PCDH15: variants seen among roughly 807,000 people sequenced by gnomAD.
PCDH15 encodes the protein protocadherin related 15, also known as protocadherin-15.
A neutral mutation model predicts 178.5 loss-of-function variants in PCDH15; 129 were observed. The ratio of observed to expected loss-of-function variants is 0.72; its 90% confidence interval spans 0.63 to 0.84. The LOEUF is 0.84. Ranked by LOEUF, PCDH15 falls within the 40% of genes least tolerant of loss-of-function variation. The pLI, the probability that PCDH15 is intolerant of heterozygous loss-of-function variation, is 0.00. For missense variants in PCDH15, 2,230 were observed against 2,099.9 expected, an observed-to-expected ratio of 1.06 and a Z score of -1.21; for synonymous variants, 800 against 732.0, an observed-to-expected ratio of 1.09 and a Z score of -1.50.
chr10:54,151,292 G>A (rs9663418), intron 14 of PCDH15, among the ~76,000 whole-genome samples: 28,958 of 152,028 alleles, frequency 0.19, 2,963 homozygotes, highest in Admixed American at 0.22. Context: ...AGTAATCCCA[G>A]CACTTTGGGA....
intron 2 of PCDH15, among the ~76,000 whole-genome samples, chr10:55,607,546 C>A (rs1843251285): frequency 7.0e-6 from 1 of 143,178 alleles, no homozygotes; most frequent in African/African-American, 2.6e-5. Flanking sequence ...GGCACATATA[C>A]ACCATGGAAT....
intron 8 of PCDH15, among the ~76,000 whole-genome samples, chr10:54,284,981 A>G (rs948369575): frequency 6.6e-6 from 1 of 152,182 alleles, no homozygotes; most frequent in African/African-American, 2.4e-5. Context: ...ATACAAGTAA[A>G]ATATGGCTTT....
intron 7 of PCDH15, among the ~76,000 whole-genome samples, chr10:54,328,677 T>G (rs986515452): frequency 2.0e-5 from 3 of 151,982 alleles, no homozygotes; most frequent in Non-Finnish European, 4.4e-5. Context: ...ATCCTAGTTT[T>G]GCTACCCTTT....
At chr10:54,225,902 G>A (rs2053387329) in intron 9 of PCDH15, among the ~76,000 whole-genome samples, 1 of 152,178 alleles carries the variant, frequency 6.6e-6, no homozygotes, top group Non-Finnish European at 1.5e-5. Context: ...GACAAGCAAG[G>A]AATCTTGAGG....
intron 15 of PCDH15, among the ~76,000 whole-genome samples, chr10:54,096,132 T>C (rs773271082): frequency 6.6e-6 from 1 of 152,070 alleles, no homozygotes; most frequent in Non-Finnish European, 1.5e-5. Context: ...TCATAATTCA[T>C]ATTCTATGCC....
intron 3 of PCDH15, among the ~76,000 whole-genome samples, chr10:54,384,306 C>A (rs2135170802): frequency 8.0e-6 from 1 of 125,458 alleles, no homozygotes; most frequent in East Asian, 2.5e-4. Context: ...TAAATCTCTA[C>A]CAAGCTGAAG....
Position 53,938,857 on chromosome 10 carries a change from A to G in PCDH15, c.3331T>C (p.Ser1111Pro). The change falls in exon 25 of 38, where the codon TCC becomes CCC. Residue 1111 changes from serine (S) to proline (P), a missense_variant. Physicochemically the swap from Ser to Pro is moderately conservative, Grantham distance 74 (BLOSUM62 -1). Coordinates refer to ENST00000644397, the MANE Select transcript of PCDH15 (RefSeq NM_001384140.1). Reference sequence around the variant, plus strand: ...AGATTGGCAAGGACCACTTCCAGGGAATCAGCTTGGACTCGAAGTACATAG... The same window carrying G: ...AGATTGGCAAGGACCACTTCCAGGGGATCAGCTTGGACTCGAAGTACATAG... ...TSYVLRVQAD[S>P]LEVVLANLRV... 6.2e-7 allele frequency: 1 copy of G among 1,613,678 alleles called. No homozygotes were observed. The highest frequency in any genetic ancestry group is 8.5e-7 in the Non-Finnish European group (1 of 1,179,676).
At chr10:54,506,628 G>GAA (rs1466042190) in intron 3 of PCDH15, among the ~76,000 whole-genome samples, 1 of 151,928 alleles carries the variant, frequency 6.6e-6, no homozygotes, top group Admixed American at 6.6e-5. Flanking sequence ...AAAGCAGAAG[G>GAA]ACTCCTAAGA....
chr10:55,133,641 C>T (rs981951262), intron 2 of PCDH15, among the ~76,000 whole-genome samples: 26 of 152,104 alleles, frequency 1.7e-4, no homozygotes, highest in African/African-American at 5.8e-4. Flanking sequence ...TAGTAGATAG[C>T]TAACAATCAA....
chr10:53,998,449 A>G (rs2091960567), intron 20 of PCDH15, among the ~76,000 whole-genome samples: 1 of 152,166 alleles, frequency 6.6e-6, no homozygotes, highest in Non-Finnish European at 1.5e-5. Flanking sequence ...GGAGAAAACT[A>G]TGTTTTATTT....
intron 1 of PCDH15, among the ~76,000 whole-genome samples, chr10:55,269,821 AAAGCAATCCT>A (rs1242592487): frequency 6.6e-6 from 1 of 152,184 alleles, no homozygotes. Flanking sequence ...CCAAATAGAC[AAAGCAATCCT>A]AAGCAAAATG....
chr10:55,500,384 T>C (rs1159784890), intron 2 of PCDH15, among the ~76,000 whole-genome samples: 3 of 151,938 alleles, frequency 2.0e-5, no homozygotes, highest in East Asian at 1.9e-4. Context: ...CATATTTAAC[T>C]TTTACATGAG....
intron 2 of PCDH15, among the ~76,000 whole-genome samples, chr10:55,135,571 TTTC>T (rs1351588890): frequency 3.7e-5 from 5 of 136,542 alleles, no homozygotes; most frequent in African/African-American, 1.4e-4. Flanking sequence ...TTTTCTTTTC[TTTC>T]TTTTTTTTTT....
chr10:54,481,000 T>G (rs2078676711), intron 3 of PCDH15, among the ~76,000 whole-genome samples: 1 of 151,890 alleles, frequency 6.6e-6, no homozygotes, highest in African/African-American at 2.4e-5. Flanking sequence ...CTAACATTCC[T>G]TGCAAAGAGA....
At position 55,602,611 on chromosome 10, in the gene PCDH15, C is replaced by G. The variant is rs1028758099; in HGVS notation, c.-156+25014G>C. ...CCCCGAGCAGCCTAACTGGGAGGCA[C>G]CCCCCAGCAGGGGCACACTGACACC... is the stretch of plus-strand genomic sequence containing the variant. On this transcript the variant is annotated intron_variant, in intron 2 of 5. Coordinates refer to the PCDH15 transcript ENST00000613346. Among the ~76,000 whole-genome samples, 3 of 152,176 alleles carry G rather than the reference C, an allele frequency of 2.0e-5. No individual in the cohort carries two copies. In the South Asian group the frequency reaches 6.2e-4, roughly 32 times the overall value.
At chr10:53,810,739 CTTCT>C in intron 36 of PCDH15, 75 bp from the exon 37 acceptor site, 1 of 1,300,882 alleles carries the variant, frequency 7.7e-7, no homozygotes, top group Non-Finnish European at 1.1e-6. Flanking sequence ...GATCTGTTTC[CTTCT>C]TTTTCTTCCG....
chr10:55,228,450 T>TA (rs1841116717), intron 1 of PCDH15, among the ~76,000 whole-genome samples: 4 of 152,020 alleles, frequency 2.6e-5, no homozygotes, highest in Non-Finnish European at 4.4e-5. Context: ...GCTTGACTTT[T>TA]AAAAAAATGT....
intron 2 of PCDH15, among the ~76,000 whole-genome samples, chr10:54,617,935 A>G (rs1011880421): frequency 1.3e-5 from 2 of 150,346 alleles, no homozygotes; most frequent in Non-Finnish European, 3.0e-5. Flanking sequence ...AAAAAAAAAA[A>G]AAGAAGAAGA....
Position 55,074,568 on chromosome 10 carries a change from G to A in PCDH15, c.-80+92008C>T, listed in dbSNP as rs539641460. Among the ~76,000 whole-genome samples, 11 of 151,880 alleles carry A rather than the reference G, an allele frequency of 7.2e-5. No individual in the cohort carries two copies. In the East Asian group the frequency reaches 2.1e-3, roughly 29 times the overall value. ...CACTTTTTAATGGGGTTGTTTATGG[G>A]GGTTTTTTTGTAAATTTATTTAAGT... On this transcript the variant is annotated intron_variant, in intron 2 of 5. Transcript: ENST00000458638.
Sources: gnomAD v4.1 joint callset for allele counts (sites outside exome capture counted in the v4.1 genomes callset) on GRCh38, gnomAD v4.1.1 for gene constraint, MANE v1.5 for transcripts, NCBI Gene and HGNC (gene_info 2026-07-23, HGNC 2026-07-21) for gene names.